Variants in PRKAR1B observed in about 807,000 individuals in gnomAD.
PRKAR1B encodes cAMP-dependent protein kinase type I-beta regulatory subunit.
A neutral mutation model predicts 46.5 loss-of-function variants in PRKAR1B; 22 were observed. That is an observed-to-expected ratio of 0.47 (90% confidence interval 0.34 to 0.68). The LOEUF is 0.68. Ranked by LOEUF, PRKAR1B falls within the 30% of genes least tolerant of loss-of-function variation. The pLI is 0.01. For synonymous variants in PRKAR1B, 259 were observed against 217.7 expected (o/e 1.19, Z -1.67); for missense variants, 445 against 535.6 (o/e 0.83, Z 1.67).
intron 2 of PRKAR1B, among the ~76,000 whole-genome samples, chr7:690,762 G>A (rs1232314308): frequency 1.3e-5 from 2 of 152,134 alleles, no homozygotes; most frequent in Admixed American, 6.6e-5. Flanking sequence ...CTTCTCAGAC[G>A]CTCAGAGGCC....
intron 1 of PRKAR1B, among the ~76,000 whole-genome samples, chr7:726,176 G>A (rs751921394): frequency 2.6e-5 from 4 of 152,308 alleles, no homozygotes; most frequent in Admixed American, 2.6e-4. Flanking sequence ...AGCGAGTAAG[G>A]CGAACCTATT....
At chr7:663,998 G>A (rs886301805) in intron 4 of PRKAR1B, among the ~76,000 whole-genome samples, 23 of 152,100 alleles carry the variant, frequency 1.5e-4, no homozygotes, top group African/African-American at 4.8e-4. Flanking sequence ...GGTCCCCCCC[G>A]ACAAGTGGGA....
At chr7:646,790 T>C (rs1784641342) in intron 4 of PRKAR1B, among the ~76,000 whole-genome samples, 1 of 152,172 alleles carries the variant, frequency 6.6e-6, no homozygotes, top group Non-Finnish European at 1.5e-5. Flanking sequence ...TTAACCAAAC[T>C]AAATTAAAAC....
At chr7:711,578 G>A in intron 1 of PRKAR1B, 51 bp from the exon 2 acceptor site, 1 of 1,536,792 alleles carries the variant, frequency 6.5e-7, no homozygotes, top group Non-Finnish European at 8.9e-7. Context: ...CCGGGGCTGC[G>A]CGCCGGATAA....
intron 2 of PRKAR1B, among the ~76,000 whole-genome samples, chr7:694,178 G>C (rs776170217): frequency 2.0e-5 from 3 of 152,102 alleles, no homozygotes; most frequent in Non-Finnish European, 2.9e-5. Context: ...CCAGCTACTC[G>C]GGGGGCTGAG....
chr7:654,282 CCATCACCAT>C (rs1384780410), intron 4 of PRKAR1B, among the ~76,000 whole-genome samples: 1 of 148,796 alleles, frequency 6.7e-6, no homozygotes, highest in Non-Finnish European at 1.5e-5. Context: ...ATCTTCACCA[CCATCACCAT>C]CATCACCATC....
At chr7:574,043 T>A (rs1583226961) in intron 9 of PRKAR1B, among the ~76,000 whole-genome samples, 1 of 152,158 alleles carries the variant, frequency 6.6e-6, no homozygotes, top group Admixed American at 6.5e-5. Context: ...TGTTCAGGGG[T>A]GAGAACACCG....
chr7:615,935 A>C (rs1434854859), intron 4 of PRKAR1B, among the ~76,000 whole-genome samples: 1 of 151,844 alleles, frequency 6.6e-6, no homozygotes, highest in Non-Finnish European at 1.5e-5. Flanking sequence ...AGGAAGAAAG[A>C]GGCAGAGAAA....
At chr7:617,016 CAG>C (rs1782862192) in intron 4 of PRKAR1B, among the ~76,000 whole-genome samples, 1 of 108,430 alleles carries the variant, frequency 9.2e-6, no homozygotes, top group Non-Finnish European at 1.8e-5. Context: ...TTTTTTGAGA[CAG>C]AGTCTCGCCC....
At chr7:647,208 G>A (rs1282978271) in intron 4 of PRKAR1B, among the ~76,000 whole-genome samples, 2 of 152,136 alleles carry the variant, frequency 1.3e-5, no homozygotes, top group Non-Finnish European at 2.9e-5. Context: ...CCCCCAACCT[G>A]CGGATCAGCC....
Position 669,866 on chromosome 7 carries a change from T to C in PRKAR1B, c.440+7363A>G, listed in dbSNP as rs184973002. On this transcript the variant is annotated intron_variant, in intron 4 of 10. Transcript: ENST00000537384. Reference sequence around the variant, plus strand: ...GGCTGGTGGGCAGGTCCACGTGCCATATTTTTTTTTTTTTTTTGAGACGGA... The same window carrying C: ...GGCTGGTGGGCAGGTCCACGTGCCACATTTTTTTTTTTTTTTTGAGACGGA... Among the ~76,000 whole-genome samples, 606 of 140,506 alleles carry C rather than the reference T, an allele frequency of 4.3e-3. 13 individuals are homozygous for C. Among genetic ancestry groups the C allele is most frequent in the Non-Finnish European group, 7.5e-3 (483 of 64,110 alleles). The allele number at this position is 140,506 out of a possible 152,430, so 92.2% of individuals were successfully genotyped here.
chr7:692,580 T>G (rs553775573), intron 2 of PRKAR1B, among the ~76,000 whole-genome samples: 1 of 151,456 alleles, frequency 6.6e-6, no homozygotes, highest in African/African-American at 2.4e-5. Context: ...AGCCAGGGAG[T>G]TGAGAGAGGT....
At chr7:553,939 G>C (rs761052916) in intron 9 of PRKAR1B, among the ~76,000 whole-genome samples, 14 of 152,274 alleles carry the variant, frequency 9.2e-5, no homozygotes, top group Non-Finnish European at 1.8e-4. Context: ...CCGGGCGGCT[G>C]AGTGCCGCCA....
intron 9 of PRKAR1B, among the ~76,000 whole-genome samples, chr7:569,923 C>T (rs189459822): frequency 5.2e-4 from 79 of 152,352 alleles, no homozygotes; most frequent in African/African-American, 1.9e-3. Context: ...GCACAAAGTC[C>T]ACACAGGGCC....
At chr7:565,990 T>C (rs751626790) in intron 9 of PRKAR1B, among the ~76,000 whole-genome samples, 23 of 152,216 alleles carry the variant, frequency 1.5e-4, no homozygotes, top group Middle Eastern at 3.2e-3. Flanking sequence ...TCTGAACTCA[T>C]GGAATTTTCC....
intron 9 of PRKAR1B, among the ~76,000 whole-genome samples, chr7:570,663 C>T (rs1337832062): frequency 6.6e-6 from 1 of 152,190 alleles, no homozygotes; most frequent in Non-Finnish European, 1.5e-5. Flanking sequence ...TGGACTATCT[C>T]CCTCCTCTGC....
intron 4 of PRKAR1B, among the ~76,000 whole-genome samples, chr7:645,438 CCCAGGGGTTCAAGA>C (rs1001023667): frequency 2.0e-5 from 3 of 152,116 alleles, no homozygotes; most frequent in Non-Finnish European, 4.4e-5. Flanking sequence ...ATTGCTTGAG[CCCAGGGGTTCAAGA>C]CCAGCCCAAG....
chr7:625,663 G>C (rs559063516), intron 4 of PRKAR1B, among the ~76,000 whole-genome samples: 1 of 152,306 alleles, frequency 6.6e-6, no homozygotes, highest in East Asian at 1.9e-4. Flanking sequence ...CTATGGACAA[G>C]GGACACCACT....
chr7:705,832 C>T (rs1780294278), intron 2 of PRKAR1B, among the ~76,000 whole-genome samples: 1 of 151,990 alleles, frequency 6.6e-6, no homozygotes, highest in South Asian at 2.1e-4. Flanking sequence ...TTCAAGACCA[C>T]ACTGACCAAC....
Sources: allele counts gnomAD v4.1 joint callset (sites outside exome capture counted in the v4.1 genomes callset), GRCh38; gene constraint gnomAD v4.1.1; transcripts MANE v1.5; gene names NCBI Gene and HGNC (gene_info 2026-07-23, HGNC 2026-07-21).